Variants in CYP4X1 observed in about 807,000 individuals in gnomAD.
The protein encoded by CYP4X1 is cytochrome P450 4X1.
A neutral mutation model predicts 57.9 loss-of-function variants in CYP4X1; 44 were observed. The observed-to-expected ratio is 0.76, with a 90% CI of 0.60 to 0.98. The LOEUF (loss-of-function observed/expected upper bound fraction) is 0.98, where lower values mean the gene tolerates loss of function less well. Among genes scored for constraint, CYP4X1 ranks in the 50% least tolerant of loss-of-function variants. CYP4X1 has a pLI of 0.00. For missense variants in CYP4X1, 532 were observed against 623.9 expected (o/e 0.85, Z 1.57); for synonymous variants, 227 against 228.6 (o/e 0.99, Z 0.06).
the CYP4X1 span, among the ~76,000 whole-genome samples, chr1:46,976,469 C>T: frequency 6.6e-6 from 1 of 152,096 alleles, no homozygotes; most frequent in Non-Finnish European, 1.5e-5. Context: ...TGGAGCCCAC[C>T]GCAGCTCAAT....
At chr1:47,018,556 T>C in the CYP4X1 span, among the ~76,000 whole-genome samples, 2 of 152,170 alleles carry the variant, frequency 1.3e-5, 1 homozygote, top group South Asian at 4.1e-4. Context: ...GTCACCATTA[T>C]GGGGCACCGA....
chr1:47,048,757 A>C, intron 10 of CYP4X1, 128 bp downstream of exon 10: 1 of 901,162 alleles, frequency 1.1e-6, no homozygotes, highest in Non-Finnish European at 1.7e-6. Context: ...AATAAACATA[A>C]AAGCCAAAAG....
At chr1:47,001,289 C>T in the CYP4X1 span, among the ~76,000 whole-genome samples, 1 of 152,218 alleles carries the variant, frequency 6.6e-6, no homozygotes, top group Non-Finnish European at 1.5e-5. Flanking sequence ...AGGCCTGAAC[C>T]ACTCTGTCAG....
chr1:47,034,096 C>G (rs1356250857), intron 4 of CYP4X1, among the ~76,000 whole-genome samples: 1 of 152,172 alleles, frequency 6.6e-6, no homozygotes, highest in Non-Finnish European at 1.5e-5. Context: ...GCTTCAGATT[C>G]AGAGGAAACT....
Position 47,039,401 on chromosome 1 carries a change from G to A in CYP4X1, c.942G>A (p.Leu314=), listed in dbSNP as rs755346236. 7 of 1,613,624 alleles carry A rather than the reference G, an allele frequency of 4.3e-6. No individual in the cohort carries two copies. Among genetic ancestry groups the A allele is most frequent in the South Asian group, 2.2e-5 (2 of 91,008 alleles). The change falls in exon 8 of 12, where the codon CTG becomes CTA. Residue 314 remains leucine, a synonymous_variant. Transcript: ENST00000371901. ...IDVHSEVSTF[L]LAGHDTLAAS... ...TACACTCTGAAGTGAGCACATTCCT[G>A]TTGGCAGGACATGACACCTTGGCAG...
the CYP4X1 span, among the ~76,000 whole-genome samples, chr1:47,010,048 C>G: frequency 1.3e-5 from 2 of 152,214 alleles, no homozygotes; most frequent in African/African-American, 4.8e-5. Context: ...GGAATCCTCC[C>G]TAACTCATTT....
chr1:47,009,706 C>T, the CYP4X1 span, among the ~76,000 whole-genome samples: 1 of 151,990 alleles, frequency 6.6e-6, no homozygotes, highest in Middle Eastern at 3.2e-3. Context: ...CAAATAGATG[C>T]AATAAAAAGT....
Position 47,050,042 on chromosome 1 carries a change from A to T in CYP4X1, c.1398A>T (p.Val466=). The change falls in exon 12 of 12, where the codon GTA becomes GTT. Residue 466 remains valine (V), a synonymous_variant. Transcript: ENST00000371901. ...GQEFAMIELK[V]TIALILLHFR... The stretch of plus-strand genomic sequence containing the variant: ...AGTTTGCCATGATTGAGTTAAAGGT[A>T]ACCATTGCCTTGATTCTGCTCCACT... The T allele has an allele frequency of 6.2e-7, 1 of 1,614,026 alleles. No individual in the cohort carries two copies. The highest frequency in any genetic ancestry group is 1.1e-5 in the South Asian group (1 of 91,082).
the CYP4X1 span, among the ~76,000 whole-genome samples, chr1:46,995,454 C>T: frequency 6.6e-6 from 1 of 151,832 alleles, no homozygotes; most frequent in African/African-American, 2.4e-5. Context: ...GGACAAGCAC[C>T]GAGAAAATCA....
chr1:46,970,664 G>A, the CYP4X1 span, among the ~76,000 whole-genome samples: 4 of 152,180 alleles, frequency 2.6e-5, no homozygotes, highest in South Asian at 4.1e-4. Context: ...GTGCTGTGCA[G>A]GAATTCTGGG....
chr1:46,984,727 C>A, the CYP4X1 span, among the ~76,000 whole-genome samples: 1 of 152,190 alleles, frequency 6.6e-6, no homozygotes, highest in Non-Finnish European at 1.5e-5. Flanking sequence ...CCAGGAGATT[C>A]CCTGGGGTGC....
At chr1:46,962,005 C>T in the CYP4X1 span, among the ~76,000 whole-genome samples, 1 of 152,154 alleles carries the variant, frequency 6.6e-6, no homozygotes, top group African/African-American at 2.4e-5. Flanking sequence ...AGGCATCTTT[C>T]CCACTGGTCA....
chr1:47,041,166 C>T (rs1232255044), intron 8 of CYP4X1, among the ~76,000 whole-genome samples: 1 of 152,018 alleles, frequency 6.6e-6, no homozygotes, highest in Non-Finnish European at 1.5e-5. Context: ...TATATATATA[C>T]CATGTTTTCT....
chr1:47,015,533 C>T, the CYP4X1 span, among the ~76,000 whole-genome samples: 1 of 152,190 alleles, frequency 6.6e-6, no homozygotes, highest in Non-Finnish European at 1.5e-5. Flanking sequence ...TGCTTATGTG[C>T]TTGTCTTCCC....
the CYP4X1 span, among the ~76,000 whole-genome samples, chr1:47,001,263 T>A: frequency 6.6e-6 from 1 of 152,218 alleles, no homozygotes; most frequent in African/African-American, 2.4e-5. Context: ...TCTTAATTCC[T>A]ACCTCTGCTC....
chr1:46,991,872 A>G, the CYP4X1 span, among the ~76,000 whole-genome samples: 2 of 152,212 alleles, frequency 1.3e-5, no homozygotes, highest in Admixed American at 1.3e-4. Context: ...CCTCTGCAAA[A>G]TAGAGACAAT....
At chr1:46,989,657 A>G in the CYP4X1 span, among the ~76,000 whole-genome samples, 1 of 152,240 alleles carries the variant, frequency 6.6e-6, no homozygotes, top group Non-Finnish European at 1.5e-5. Context: ...ACTGTACTAC[A>G]AGGCTACAGT....
chr1:47,006,682 T>A, the CYP4X1 span, among the ~76,000 whole-genome samples: 1 of 152,040 alleles, frequency 6.6e-6, no homozygotes, highest in Non-Finnish European at 1.5e-5. Context: ...CCTTTCATAG[T>A]CAAAGAAAGG....
chr1:46,965,025 G>A, the CYP4X1 span, among the ~76,000 whole-genome samples: 3 of 152,210 alleles, frequency 2.0e-5, no homozygotes, highest in African/African-American at 7.2e-5. Context: ...CTTGGGTGTA[G>A]GACCCTCCAA....
Sources: allele counts gnomAD v4.1 joint callset (sites outside exome capture counted in the v4.1 genomes callset), GRCh38; gene constraint gnomAD v4.1.1; transcripts MANE v1.5; gene names NCBI Gene and HGNC (gene_info 2026-07-23, HGNC 2026-07-21).